MUC5B: variants seen among roughly 807,000 people sequenced by gnomAD.
MUC5B encodes the protein mucin-5B.
Under a neutral mutation model 376.9 loss-of-function variants are expected in MUC5B, and 116 were observed. The observed-to-expected ratio is 0.31, with a 90% CI of 0.26 to 0.36. The LOEUF is 0.36. Among genes scored for constraint, MUC5B ranks in the 10% least tolerant of loss-of-function variants. The pLI is 1.00. For missense variants in MUC5B, 7,165 were observed against 7,769.9 expected (o/e 0.92, Z 2.93); for synonymous variants, 3,517 against 3,390.9 (o/e 1.04, Z -1.29).
rs1252370171 is a variant in MUC5B, at chr11:1,228,856, G to A, written c.976+91G>A. 3.6e-5 allele frequency: 43 copies of A among 1,202,962 alleles called. 1 individual carries two copies. Among genetic ancestry groups the A allele is most frequent in the South Asian group, 1.1e-4 (7 of 64,478 alleles). The allele number at this position is 1,202,962 out of a possible 1,614,324, so 74.5% of individuals were successfully genotyped here. On this transcript the variant is annotated intron_variant, in intron 8 of 48. Coordinates refer to ENST00000529681, the MANE Select transcript of MUC5B (RefSeq NM_002458.3). The stretch of plus-strand genomic sequence containing the variant: ...GGGCCACTGGGGGTGGGGAGGCCTG[G>A]GGGACAGGGGTGGAGGGCAGAGGAC...
chr11:1,252,357 A>G lies in MUC5B; in HGVS notation c.14878A>G (p.Asn4960Asp). 6.4e-7 allele frequency: 1 copy of G among 1,567,674 alleles called. No homozygotes were observed. Among genetic ancestry groups the G allele is most frequent in the Non-Finnish European group, 8.6e-7 (1 of 1,156,282 alleles). Residue 4960 changes from asparagine to aspartate, a missense_variant, in exon 32 of 49, where the codon AAT (asparagine) becomes GAT (aspartate). Asn to Asp is a conservative substitution (Grantham distance 23). This residue lies in a region of MUC5B where 730 missense variants were observed against 592.7 expected (regional missense o/e 1.23). Transcript: ENST00000529681. Reference sequence around the variant, plus strand: ...GTTCTTCACAGGGGAAGTCATCTACAATAAGACCGACCGAGCCGGCTGCCA... The same window carrying G: ...GTTCTTCACAGGGGAAGTCATCTACGATAAGACCGACCGAGCCGGCTGCCA... ...QFFSPGEVIYNKTDRAGCHFY... is the reference protein window; with the variant it reads ...QFFSPGEVIYDKTDRAGCHFY...
chr11:1,245,313 C>A lies in MUC5B; in HGVS notation c.8433C>A (p.Ser2811Arg). The A allele has an allele frequency of 6.3e-7, 1 of 1,597,420 alleles. No homozygotes were observed. Among genetic ancestry groups the A allele is most frequent in the Non-Finnish European group, 8.5e-7 (1 of 1,172,804 alleles). The part of the protein sequence containing the change: ...TTQHSTPALS[S>R]PHPSSRTTES... ...AGCACTCGACTCCAGCCCTGTCCAGCCCTCACCCTAGCAGCAGGACCACCG... is the reference window on the plus strand; with the variant it reads ...AGCACTCGACTCCAGCCCTGTCCAGACCTCACCCTAGCAGCAGGACCACCG... The change falls in exon 31 of 49, where the codon AGC becomes AGA. Residue 2811 changes from serine (S) to arginine (R), a missense_variant. This residue lies in a region of MUC5B where 50 missense variants were observed against 66.4 expected (regional missense o/e 0.75). Transcript: ENST00000529681.
Position 1,225,674 on chromosome 11 carries a change from C to T in MUC5B, c.71-7C>T. ...TCCTCACTGACTCCCATTCCCTCTT[C>T]CCACAGAGACCCAGGGCCCTGTGGA... On this transcript the variant is annotated splice_region_variant and splice_polypyrimidine_tract_variant and intron_variant, in intron 1 of 48. Coordinates refer to ENST00000529681, the MANE Select transcript of MUC5B (RefSeq NM_002458.3). 6.3e-7 allele frequency: 1 copy of T among 1,596,316 alleles called. No individual in the cohort carries two copies.
Position 1,243,223 on chromosome 11 carries a change from G to A in MUC5B, c.6343G>A (p.Gly2115Ser), listed in dbSNP as rs761953024. The A allele has an allele frequency of 8.1e-5, 128 of 1,570,612 alleles. 6 individuals are homozygous for A. The highest frequency in any genetic ancestry group is 1.1e-4 in the Non-Finnish European group (123 of 1,158,384). Residue 2115 changes from glycine (G) to serine (S), a missense_variant, in exon 31 of 49, where the codon GGT becomes AGT. Around this residue, in one of 31 missense-constraint regions of MUC5B, gnomAD observed 897 missense variants for 779.6 expected, o/e 1.15. Transcript: ENST00000529681. Reference sequence around the variant, plus strand: ...CACCACCACCACAACTGTGGCCACTGGTTCTATGGCAACACCCTCCTCTAG... The same window carrying A: ...CACCACCACCACAACTGTGGCCACTAGTTCTATGGCAACACCCTCCTCTAG... Reference protein sequence around the residue: ...LTTTTTTVATGSMATPSSSTQ... With the variant: ...LTTTTTTVATSSMATPSSSTQ...
chr11:1,230,823 C>A, intron 12 of MUC5B, 113 bp from the exon 13 acceptor site: 1 of 1,298,076 alleles, frequency 7.7e-7, no homozygotes, highest in Non-Finnish European at 1.1e-6. Context: ...CAGGTCTGAG[C>A]TTCTCTGTGG....
chr11:1,230,814 A>G, intron 12 of MUC5B, 122 bp from the exon 13 acceptor site: 2 of 1,207,076 alleles, frequency 1.7e-6, no homozygotes, highest in Non-Finnish European at 2.4e-6. Context: ...CCGCAGGTCC[A>G]GGTCTGAGCT....
At position 1,251,022 on chromosome 11, in the gene MUC5B, C is replaced by A. The variant is rs546798643; in HGVS notation, c.14142C>A (p.Thr4714=). Residue 4714 remains threonine, a synonymous_variant, in exon 31 of 49, where the codon ACC becomes ACA. Transcript: ENST00000529681. ...PITPVLTSTA[T]TPAATSSKAT... is the part of the protein sequence containing the mutation. ...CCCCAGTGCTGACCAGCACGGCCAC[C>A]ACACCCGCAGCCACCAGCTCCAAAG... The A allele has an allele frequency of 5.6e-6, 9 of 1,611,034 alleles. No individual in the cohort carries two copies. In the African/African-American group the frequency reaches 1.1e-4, roughly 19 times the overall value.
chr11:1,254,592 G>C, intron 34 of MUC5B, 102 bp from the exon 35 acceptor site: 2 of 1,303,606 alleles, frequency 1.5e-6, no homozygotes, highest in Non-Finnish European at 2.1e-6. Context: ...GGGATACACA[G>C]GGGGGTCTCT....
At position 1,251,210 on chromosome 11, in the gene MUC5B, C is replaced by G. The variant is rs1260949412; in HGVS notation, c.14330C>G (p.Thr4777Arg). The change falls in exon 31 of 49, where the codon ACA (threonine) becomes AGA (arginine). Residue 4777 changes from threonine (T) to arginine (R), a missense_variant. This residue lies in a region of MUC5B where 730 missense variants were observed against 592.7 expected (regional missense o/e 1.23). Coordinates refer to ENST00000529681, the MANE Select transcript of MUC5B (RefSeq NM_002458.3). ...ACCACACCCATGTCCACCATGTCCACAATCCACACCTCCTCTACTCCAGAG... is the reference window on the plus strand; with the variant it reads ...ACCACACCCATGTCCACCATGTCCAGAATCCACACCTCCTCTACTCCAGAG... Reference protein sequence around the residue: ...QTTTPMSTMSTIHTSSTPETT... With the variant: ...QTTTPMSTMSRIHTSSTPETT... The G allele has an allele frequency of 6.2e-7, 1 of 1,611,350 alleles. No homozygotes were observed. Among genetic ancestry groups the G allele is most frequent in the South Asian group, 1.1e-5 (1 of 91,030 alleles).
chr11:1,236,500 G>C lies in MUC5B; in HGVS notation c.2995G>C (p.Gly999Arg), dbSNP rs753096895. 1 of 1,613,138 alleles carries C rather than the reference G, an allele frequency of 6.2e-7. No homozygotes were observed. Among genetic ancestry groups the C allele is most frequent in the Non-Finnish European group, 8.5e-7 (1 of 1,179,832 alleles). ...GATCTTCCTGGTCATCGAGACCCAC[G>C]GGATGGCCGTGTCCTGGGACCGGAA... Reference protein sequence around the residue: ...MGIFLVIETHGMAVSWDRKTS... With the variant: ...MGIFLVIETHRMAVSWDRKTS... The change falls in exon 24 of 49, where the codon GGG becomes CGG. Residue 999 changes from glycine to arginine, a missense_variant. Gly to Arg is a moderately radical substitution (Grantham distance 125). Transcript: ENST00000529681.
Position 1,258,297 on chromosome 11 carries a change from A to G in MUC5B, c.16556-33A>G, listed in dbSNP as rs55954116. ...GGCGCTGGAGCACATGCTCCCCACCACTTGTCGAGGGCTTAGCTCCCTTTC... is the reference window on the plus strand; with the variant it reads ...GGCGCTGGAGCACATGCTCCCCACCGCTTGTCGAGGGCTTAGCTCCCTTTC... On this transcript the variant is annotated intron_variant, in intron 42 of 48. Coordinates refer to ENST00000529681, the MANE Select transcript of MUC5B (RefSeq NM_002458.3). The surrounding 1 kb of genome is among the most constrained non-coding windows in gnomAD (Gnocchi z 5.5). 3.7e-6 allele frequency: 6 copies of G among 1,609,784 alleles called. No homozygotes were observed. The African/African-American group carries it at 8.0e-5, about 21-fold the overall frequency.
At chr11:1,261,261 G>C in intron 48 of MUC5B, 128 bp from the exon 49 acceptor site, 1 of 784,966 alleles carries the variant, frequency 1.3e-6, no homozygotes, top group Non-Finnish European at 2.0e-6. Flanking sequence ...TGCCCACAGA[G>C]CAGGCCACTG....
rs746986271 is a variant in MUC5B at position 1,235,097 on chromosome 11, C to A, written c.2643C>A (p.Asn881Lys). The change falls in exon 22 of 49, where the codon AAC becomes AAA. Residue 881 changes from asparagine (N) to lysine (K), a missense_variant. Asn to Lys is a moderately conservative substitution (Grantham distance 94). Transcript: ENST00000529681. ...TGGCCCCTTGCAGCACCTGCAGGAA[C>A]CGGAGGTGGGAGTGCAGCCACCGGC... ...RVDCNTCTCR[N>K]RRWECSHRLC... 6.2e-7 allele frequency: 1 copy of A among 1,610,932 alleles called. No individual in the cohort carries two copies. Among genetic ancestry groups the A allele is most frequent in the Non-Finnish European group, 8.5e-7 (1 of 1,178,922 alleles).
chr11:1,247,986 G>A lies in MUC5B; in HGVS notation c.11106G>A (p.Thr3702=), dbSNP rs1221219675. ...CAAAGCTGACCACAACAGCCACTAC[G>A]ACTGAGTCCACTGGATCCACGGCCA... ...ILTKLTTTAT[T]TESTGSTATP... is the part of the protein sequence containing the mutation. Residue 3702 remains threonine (T), a synonymous_variant, in exon 31 of 49, where the codon ACG becomes ACA. Coordinates refer to ENST00000529681, the MANE Select transcript of MUC5B (RefSeq NM_002458.3). The A allele has an allele frequency of 1.7e-5, 27 of 1,610,170 alleles. No individual in the cohort carries two copies. The highest frequency in any genetic ancestry group is 6.7e-5 in the African/African-American group (5 of 74,524).
rs775191740 is a variant in MUC5B, at chr11:1,243,632, C to T, written c.6752C>T (p.Ala2251Val). 7 of 1,611,138 alleles carry T rather than the reference C, an allele frequency of 4.3e-6. No homozygotes were observed. Among genetic ancestry groups the T allele is most frequent in the Non-Finnish European group, 5.9e-6 (7 of 1,179,458 alleles). ...GGTACCACCCAGCACTCGACTCCAGCCCTTTCCAGCCCTCACCCTAGCAGC... is the reference window on the plus strand; with the variant it reads ...GGTACCACCCAGCACTCGACTCCAGTCCTTTCCAGCCCTCACCCTAGCAGC... ...TTGTTQHSTP[A>V]LSSPHPSSRT... Residue 2251 changes from alanine (A) to valine (V), a missense_variant, in exon 31 of 49, where the codon GCC becomes GTC. Ala to Val is a moderately conservative substitution (Grantham distance 64, BLOSUM62 0). Coordinates refer to ENST00000529681, the MANE Select transcript of MUC5B (RefSeq NM_002458.3).
Position 1,224,330 on chromosome 11 carries a change from C to T in MUC5B, c.70+1137C>T, listed in dbSNP as rs559263322. On this transcript the variant is annotated intron_variant, in intron 1 of 48. Transcript: ENST00000529681. Reference sequence around the variant, plus strand: ...CAGAGCAGCTTCATGTTAGGGGACACACCCCAAAGTGATGGGGTGGCTGGT... The same window carrying T: ...CAGAGCAGCTTCATGTTAGGGGACATACCCCAAAGTGATGGGGTGGCTGGT... 9.9e-5 allele frequency among the ~76,000 whole-genome samples: 15 copies of T among 152,210 alleles called. No homozygotes were observed. The South Asian group carries it at 1.2e-3, about 13-fold the overall frequency.
chr11:1,227,162 G>A lies in MUC5B; in HGVS notation c.576+17G>A, dbSNP rs766946681. The stretch of plus-strand genomic sequence containing the variant: ...AGTGCCCTGGTGAGGAAGCCCCCTC[G>A]CCCCTTGCCCCTTCAGGCCTGGCCA... On this transcript the variant is annotated intron_variant, in intron 5 of 48. Transcript: ENST00000529681. 34 of 1,596,744 alleles carry A rather than the reference G, an allele frequency of 2.1e-5. No individual in the cohort carries two copies. Among genetic ancestry groups the A allele is most frequent in the South Asian group, 4.4e-5 (4 of 90,416 alleles).
rs56036186 is a variant in MUC5B, at chr11:1,257,074, G to A, written c.16238-166G>A. Among the ~76,000 whole-genome samples, 3,819 of 152,236 alleles carry A rather than the reference G, an allele frequency of 0.025. 63 individuals carry two copies. Among genetic ancestry groups the A allele is most frequent in the Non-Finnish European group, 0.033 (2,229 of 68,004 alleles). On this transcript the variant is annotated intron_variant, in intron 39 of 48. Transcript: ENST00000529681. This position sits in a 1 kb window ranked among gnomAD's most constrained non-coding sequence, Gnocchi z 8.9. ...TCCATGCACTGACAGCTGGGCTCACGGTGCCCTGGCCTGAGCTCCAGCCAC... is the reference window on the plus strand; with the variant it reads ...TCCATGCACTGACAGCTGGGCTCACAGTGCCCTGGCCTGAGCTCCAGCCAC...
At position 1,249,696 on chromosome 11, in the gene MUC5B, C is replaced by A; in HGVS notation, c.12816C>A (p.Thr4272=). The stretch of plus-strand genomic sequence containing the variant: ...GATCCACGGCCACCCCGTCCTCCAC[C>A]CCGGGAACAGCTCCCCCTCCCAAAG... The part of the protein sequence containing the change: ...STGSTATPSS[T]PGTAPPPKVL... Residue 4272 remains threonine (T), a synonymous_variant, in exon 31 of 49, where the codon ACC becomes ACA. Coordinates refer to ENST00000529681, the MANE Select transcript of MUC5B (RefSeq NM_002458.3). 6.2e-7 allele frequency: 1 copy of A among 1,610,018 alleles called. No homozygotes were observed. Among genetic ancestry groups the A allele is most frequent in the East Asian group, 2.2e-5 (1 of 44,724 alleles).
Sources: allele counts gnomAD v4.1 joint callset (sites outside exome capture counted in the v4.1 genomes callset), GRCh38; gene constraint gnomAD v4.1.1; regional missense constraint gnomAD v4.1.1; non-coding constraint Gnocchi (gnomAD v3.1); transcripts MANE v1.5; gene names NCBI Gene and HGNC (gene_info 2026-07-23, HGNC 2026-07-21).